PRDM15: variants seen among roughly 807,000 people sequenced by gnomAD.
The protein encoded by PRDM15 is PR domain zinc finger protein 15.
A neutral mutation model predicts 128.6 loss-of-function variants in PRDM15; 64 were observed. The observed-to-expected ratio is 0.50, with a 90% CI of 0.41 to 0.61. The LOEUF is 0.61. Among genes scored for constraint, PRDM15 ranks in the 20% least tolerant of loss-of-function variants. The pLI, the probability that PRDM15 is intolerant of heterozygous loss-of-function variation, is 0.00. For missense variants in PRDM15, 1,242 were observed against 1,569.1 expected, an observed-to-expected ratio of 0.79 and a Z score of 3.52; for synonymous variants, 615 against 621.8, an observed-to-expected ratio of 0.99 and a Z score of 0.16.
In PRDM15 at chr21:41,831,789, TGAACA is replaced by T. The variant is rs1297582124; in HGVS notation, c.1367-3461_1367-3457del. 2.6e-4 allele frequency among the ~76,000 whole-genome samples: 39 copies of T among 152,272 alleles called. 1 individual carries two copies. Among genetic ancestry groups the T allele is most frequent in the Admixed American group, 6.5e-4 (10 of 15,298 alleles). Reference sequence around the variant, plus strand: ...AGTGGGAGGTGGCCTCTGCCAGGGCTGAACACAGTAGAGGTGGCCCTGTGCGAGGC... The same window carrying T: ...AGTGGGAGGTGGCCTCTGCCAGGGCTCAGTAGAGGTGGCCCTGTGCGAGGC... On this transcript the variant is annotated intron_variant, in intron 11 of 23. Transcript: ENST00000398548.
At chr21:41,822,227 A>G (rs764714654) in intron 14 of PRDM15, among the ~76,000 whole-genome samples, 190 bp from the exon 15 acceptor site, 2 of 152,242 alleles carry the variant, frequency 1.3e-5, no homozygotes, top group Non-Finnish European at 2.9e-5. Context: ...CCCCACCTAA[A>G]CGCTAAAGCT....
chr21:41,802,056 C>A (rs2146130064), intron 23 of PRDM15, among the ~76,000 whole-genome samples: 1 of 152,292 alleles, frequency 6.6e-6, no homozygotes, highest in African/African-American at 2.4e-5. Context: ...AAATGAAAAT[C>A]CCACCACAAA....
intron 21 of PRDM15, among the ~76,000 whole-genome samples, chr21:41,806,442 TCACCACCACCCA>T (rs2061640991): frequency 1.1e-4 from 1 of 8,770 alleles, no homozygotes. Context: ...ACCACCACCA[TCACCACCACCCA>T]TCACCATCAC....
chr21:41,810,399 C>T lies in PRDM15; in HGVS notation c.2477-70G>A, dbSNP rs1486077122. ...ACACGCAGGTCACTAGTGCAGCCAT[C>T]CCAATGACCCTGGCCTGCTGGACGA... is the stretch of plus-strand genomic sequence containing the variant. On this transcript the variant is annotated intron_variant, in intron 20 of 23. Coordinates refer to ENST00000398548, the MANE Select transcript of PRDM15 (RefSeq NM_001040424.3). The surrounding 1 kb of genome is among the most constrained non-coding windows in gnomAD (Gnocchi z 6.4). 1 of 1,515,810 alleles carries T rather than the reference C, an allele frequency of 6.6e-7. No homozygotes were observed. The highest frequency in any genetic ancestry group is 1.4e-5 in the African/African-American group (1 of 73,546). The allele number at this position is 1,515,810 out of a possible 1,614,324, so 93.9% of individuals were successfully genotyped here. A position where few individuals can be genotyped will look rare whatever the true frequency, so the allele number is the denominator to read the frequency against.
At chr21:41,831,815 G>A (rs1360662449) in intron 11 of PRDM15, among the ~76,000 whole-genome samples, 4 of 152,170 alleles carry the variant, frequency 2.6e-5, no homozygotes, top group African/African-American at 4.8e-5. Flanking sequence ...GGCCCTGTGC[G>A]AGGCTTCTCT....
rs2061404733 is a variant in PRDM15 at position 41,801,181 on chromosome 21, T to A, written c.*59A>T. On this transcript the variant is annotated 3_prime_UTR_variant, in exon 24 of 24. Transcript: ENST00000398548. The stretch of plus-strand genomic sequence containing the variant: ...GTTTGTTTGGTATCCAGCAAACACA[T>A]CTAAACAAATCCCAAACATCCCTCT... 25 of 1,497,358 alleles carry A rather than the reference T, an allele frequency of 1.7e-5. No individual in the cohort carries two copies. In the South Asian group the frequency reaches 3.1e-4, roughly 18 times the overall value. 92.8% of individuals were successfully genotyped at this position (1,497,358 alleles called of 1,614,324 possible).
chr21:41,859,343 C>T lies in PRDM15; in HGVS notation c.131+249G>A. ...CAGCCTCCACACACTGTGTCGGGAA[C>T]AGCTGGGCTCCAGCTAAGAACCCTG... On this transcript the variant is annotated intron_variant, in intron 3 of 23. Transcript: ENST00000398548. The surrounding 1 kb of genome is among the most constrained non-coding windows in gnomAD (Gnocchi z 5.3). 1 of 979,884 alleles carries T rather than the reference C, an allele frequency of 1.0e-6. No individual in the cohort carries two copies. The highest frequency in any genetic ancestry group is 1.5e-6 in the Non-Finnish European group (1 of 650,656). The allele number at this position is 979,884 out of a possible 1,614,324, so 60.7% of individuals were successfully genotyped here. A position where few individuals can be genotyped will look rare whatever the true frequency, so the allele number is the denominator to read the frequency against.
Position 41,815,812 on chromosome 21 carries a change from C to T in PRDM15, c.2285G>A (p.Arg762His), listed in dbSNP as rs920350684. The T allele has an allele frequency of 1.2e-5, 19 of 1,613,814 alleles. No homozygotes were observed. Among genetic ancestry groups the T allele is most frequent in the Admixed American group, 5.0e-5 (3 of 60,008 alleles). Reference sequence around the variant, plus strand: ...GCCCTTGTGCAGCTTCATGTGGTGGCGCAGCGCGTGCTTGGTCTTCATGCC... The same window carrying T: ...GCCCTTGTGCAGCTTCATGTGGTGGTGCAGCGCGTGCTTGGTCTTCATGCC... Reference protein sequence around the residue: ...GKGMKTKHALRHHMKLHKGIK... With the variant: ...GKGMKTKHALHHHMKLHKGIK... Residue 762 changes from arginine to histidine, a missense_variant, in exon 19 of 24, where the codon CGC becomes CAC. Transcript: ENST00000398548.
Position 41,854,290 on chromosome 21 carries a change from AT to A in PRDM15, c.538+275del, listed in dbSNP as rs1418269985. Among the ~76,000 whole-genome samples, 1 of 152,180 alleles carries A rather than the reference AT, an allele frequency of 6.6e-6. No individual in the cohort carries two copies. The highest frequency in any genetic ancestry group is 1.9e-4 in the East Asian group (1 of 5,168). On this transcript the variant is annotated intron_variant, in intron 5 of 23. Transcript: ENST00000398548. This position sits in a 1 kb window ranked among gnomAD's most constrained non-coding sequence, Gnocchi z 4.6. Reference sequence around the variant, plus strand: ...TCTACCATGCACTCATGACAATGCCATCGCCCCAGGACACATTTCTGAGAAT... The same window carrying A: ...TCTACCATGCACTCATGACAATGCCACGCCCCAGGACACATTTCTGAGAAT...
Position 41,821,213 on chromosome 21 carries a change from C to T in PRDM15, c.1914G>A (p.Gly638=). Residue 638 remains glycine, a synonymous_variant, in exon 16 of 24, where the codon GGG becomes GGA. Coordinates refer to ENST00000398548, the MANE Select transcript of PRDM15 (RefSeq NM_001040424.3). The surrounding 1 kb of genome is among the most constrained non-coding windows in gnomAD (Gnocchi z 5.4). ...CCATGATGTGCTTCAGGTACTCCTT[C>T]CCCCGGCCGAAGGTGAGCTGCGGGC... ...CKRCQLTFGR[G]KEYLKHIMEV... 6 of 1,614,124 alleles carry T rather than the reference C, an allele frequency of 3.7e-6. No individual in the cohort carries two copies. Among genetic ancestry groups the T allele is most frequent in the African/African-American group, 1.3e-5 (1 of 75,040 alleles).
At chr21:41,852,149 G>C (rs530902232) in intron 5 of PRDM15, among the ~76,000 whole-genome samples, 1 of 152,360 alleles carries the variant, frequency 6.6e-6, no homozygotes, top group East Asian at 1.9e-4. Context: ...CAGGTAAAAT[G>C]AATACGAAAC....
At chr21:41,840,436 C>T (rs982840900) in intron 6 of PRDM15, among the ~76,000 whole-genome samples, 2 of 111,056 alleles carry the variant, frequency 1.8e-5, no homozygotes, top group African/African-American at 3.5e-5. Context: ...CAGAGCAAGA[C>T]TGTCTCAAAA....
chr21:41,825,985 G>A lies in PRDM15; in HGVS notation c.1604C>T (p.Pro535Leu), dbSNP rs757793168. ...GENLVRYKKE[P>L]SGCPVCGKVF... is the part of the protein sequence containing the mutation. ...CTTGCCACACACCGGGCACCCGGAA[G>A]GCTCCTTCTTGTAACGGACCAGGTT... Residue 535 changes from proline to leucine, a missense_variant, in exon 13 of 24, where the codon CCT becomes CTT. By Grantham distance (98) the Pro-to-Leu change is moderately conservative (BLOSUM62 -3). This residue lies in a region of PRDM15 where 612 missense variants were observed against 717.0 expected (regional missense o/e 0.85). Transcript: ENST00000398548. The A allele has an allele frequency of 1.2e-6, 2 of 1,614,072 alleles. No individual in the cohort carries two copies. Among genetic ancestry groups the A allele is most frequent in the South Asian group, 1.1e-5 (1 of 91,084 alleles).
chr21:41,849,656 G>C (rs545092768), intron 5 of PRDM15, among the ~76,000 whole-genome samples: 1 of 152,136 alleles, frequency 6.6e-6, no homozygotes, highest in Non-Finnish European at 1.5e-5. Context: ...AAAATACAGG[G>C]GCCAGTGAGG....
Position 41,828,411 on chromosome 21 carries a change from C to A in PRDM15, c.1367-78G>T. 6.6e-7 allele frequency: 1 copy of A among 1,508,762 alleles called. No individual in the cohort carries two copies. Among genetic ancestry groups the A allele is most frequent in the South Asian group, 1.1e-5 (1 of 87,722 alleles). The allele number at this position is 1,508,762 out of a possible 1,614,324, so 93.5% of individuals were successfully genotyped here. On this transcript the variant is annotated intron_variant, in intron 11 of 23. Transcript: ENST00000398548. This position sits in a 1 kb window ranked among gnomAD's most constrained non-coding sequence, Gnocchi z 5.7. ...CGCAGGCACGCACGTGTGGCCTGAA[C>A]GTCAATAAAGCGCGGGTGACGGGCA... is the stretch of plus-strand genomic sequence containing the variant.
intron 18 of PRDM15, among the ~76,000 whole-genome samples, chr21:41,816,894 TAAA>T (rs66937227): frequency 8.0e-5 from 12 of 149,422 alleles, no homozygotes; most frequent in Non-Finnish European, 3.0e-5. Flanking sequence ...TCCTTTTGAT[TAAA>T]AAAAAAAAAA....
rs1453363784 is a variant in PRDM15 at position 41,874,519 on chromosome 21, A to ATT, written c.-10+4750_-10+4751insAA. Among the ~76,000 whole-genome samples, 19 of 50,630 alleles carry ATT rather than the reference A, an allele frequency of 3.8e-4. 1 individual carries two copies. The highest frequency in any genetic ancestry group is 1.8e-3 in the South Asian group (2 of 1,142). 33.2% of individuals were successfully genotyped at this position (50,630 alleles called of 152,430 possible). On this transcript the variant is annotated intron_variant, in intron 1 of 23. Coordinates refer to ENST00000398548, the MANE Select transcript of PRDM15 (RefSeq NM_001040424.3). The stretch of plus-strand genomic sequence containing the variant: ...GCAGCATGCATATATATATATATAT[A>ATT]TATATATTTTTTTTTTTTTTTGAAA...
intron 23 of PRDM15, among the ~76,000 whole-genome samples, chr21:41,802,471 C>T (rs150005207): frequency 5.9e-5 from 9 of 152,334 alleles, no homozygotes; most frequent in African/African-American, 1.9e-4. Flanking sequence ...GGATATCTCT[C>T]TTCAACATGC....
intron 13 of PRDM15, among the ~76,000 whole-genome samples, chr21:41,825,069 G>A (rs147166080): frequency 1.3e-5 from 2 of 152,346 alleles, no homozygotes; most frequent in Admixed American, 6.5e-5. Context: ...TGGAGCTGCT[G>A]GGCCCAGAGC....
Sources: gnomAD v4.1 joint callset for allele counts (sites outside exome capture counted in the v4.1 genomes callset) on GRCh38, gnomAD v4.1.1 for gene constraint, gnomAD v4.1.1 regional missense constraint, Gnocchi (gnomAD v3.1) non-coding constraint, MANE v1.5 for transcripts, NCBI Gene and HGNC (gene_info 2026-07-23, HGNC 2026-07-21) for gene names.